STAC: variants seen among roughly 807,000 people sequenced by gnomAD.
STAC encodes the protein SH3 and cysteine rich domain, also known as SH3 and cysteine-rich domain-containing protein.
In STAC, 43 loss-of-function variants were observed where a neutral mutation model predicts 48.8. The ratio of observed to expected loss-of-function variants is 0.88; its 90% CI spans 0.69 to 1.14. STAC has a LOEUF of 1.14. Ranked by LOEUF, STAC falls within the 50% of genes most tolerant of loss-of-function variation. The pLI is 0.00. For missense variants in STAC, 497 were observed against 504.0 expected (o/e 0.99, Z 0.13); for synonymous variants, 193 against 179.5 (o/e 1.07, Z -0.60).
At chr3:36,448,909 C>A (rs1281672489) in intron 2 of STAC, among the ~76,000 whole-genome samples, 1 of 147,052 alleles carries the variant, frequency 6.8e-6, no homozygotes, top group Non-Finnish European at 1.5e-5. Context: ...GAACCCCCCC[C>A]CCCACTCCCG....
At chr3:36,525,651 T>C (rs890497916) in intron 8 of STAC, among the ~76,000 whole-genome samples, 1 of 152,198 alleles carries the variant, frequency 6.6e-6, no homozygotes, top group East Asian at 1.9e-4. Context: ...TCATGGTTTC[T>C]TAGGTTACTG....
chr3:36,408,881 C>T (rs1161266690), intron 1 of STAC, among the ~76,000 whole-genome samples: 2 of 152,128 alleles, frequency 1.3e-5, no homozygotes, highest in African/African-American at 4.8e-5. Flanking sequence ...GTTTCATATA[C>T]CTCCAGTTGT....
chr3:36,541,458 C>G (rs1699323157), intron 10 of STAC, among the ~76,000 whole-genome samples: 1 of 152,182 alleles, frequency 6.6e-6, no homozygotes, highest in Non-Finnish European at 1.5e-5. Context: ...GTGATTGATG[C>G]AGAACTAAGG....
At chr3:36,419,720 T>C (rs903111453) in intron 1 of STAC, among the ~76,000 whole-genome samples, 4 of 152,202 alleles carry the variant, frequency 2.6e-5, no homozygotes, top group Non-Finnish European at 5.9e-5. Flanking sequence ...AAGAACTGTT[T>C]TCTTCTTTGG....
chr3:36,434,208 T>A (rs1013237510), intron 1 of STAC, among the ~76,000 whole-genome samples: 13 of 152,182 alleles, frequency 8.5e-5, no homozygotes, highest in Admixed American at 4.6e-4. Context: ...TGAAGGGAGC[T>A]GGCTTCGAGA....
intron 8 of STAC, among the ~76,000 whole-genome samples, chr3:36,526,371 A>G (rs894871784): frequency 1.3e-5 from 2 of 152,170 alleles, no homozygotes; most frequent in African/African-American, 2.4e-5. Flanking sequence ...TGCTTTGGCC[A>G]ATGAAATGAA....
At chr3:36,421,193 C>G (rs1356522193) in intron 1 of STAC, among the ~76,000 whole-genome samples, 1 of 152,110 alleles carries the variant, frequency 6.6e-6, no homozygotes, top group African/African-American at 2.4e-5. Context: ...CTTATTACCT[C>G]CACAATGAGT....
intron 1 of STAC, among the ~76,000 whole-genome samples, chr3:36,403,388 A>G (rs1700033999): frequency 6.6e-6 from 1 of 152,098 alleles, no homozygotes; most frequent in South Asian, 2.1e-4. Context: ...CTCCACTGGG[A>G]AAAAAACAGT....
intron 2 of STAC, among the ~76,000 whole-genome samples, chr3:36,467,756 A>G (rs964212482): frequency 1.3e-5 from 2 of 152,046 alleles, no homozygotes; most frequent in Admixed American, 6.6e-5. Flanking sequence ...CTAATGCTCT[A>G]TCAATTTTAT....
chr3:36,506,975 G>A (rs1698417695), intron 8 of STAC, among the ~76,000 whole-genome samples: 1 of 152,160 alleles, frequency 6.6e-6, no homozygotes, highest in Non-Finnish European at 1.5e-5. Context: ...AATAGGAGTG[G>A]TGAGAGAGGG....
intron 1 of STAC, among the ~76,000 whole-genome samples, chr3:36,429,082 T>C (rs1700630581): frequency 6.6e-6 from 1 of 152,162 alleles, no homozygotes. Context: ...GAAAGTCTCA[T>C]TGACTAATGT....
intron 2 of STAC, among the ~76,000 whole-genome samples, chr3:36,452,828 C>T (rs1190588034): frequency 6.6e-6 from 1 of 152,152 alleles, no homozygotes; most frequent in Non-Finnish European, 1.5e-5. Flanking sequence ...TAGAAAGTGG[C>T]AGAAAGGAGG....
At chr3:36,531,989 A>G (rs573944346) in intron 10 of STAC, among the ~76,000 whole-genome samples, 16 of 152,356 alleles carry the variant, frequency 1.1e-4, no homozygotes, top group African/African-American at 2.6e-4. Flanking sequence ...ATAAAATTTA[A>G]AAGTAGCACA....
At chr3:36,496,050 G>C (rs138266174) in intron 6 of STAC, among the ~76,000 whole-genome samples, 2 of 152,318 alleles carry the variant, frequency 1.3e-5, no homozygotes, top group East Asian at 1.9e-4. Context: ...CTAAGTCACA[G>C]AGTAGTACAC....
intron 6 of STAC, among the ~76,000 whole-genome samples, chr3:36,500,121 T>C (rs187580347): frequency 5.3e-5 from 8 of 152,298 alleles, no homozygotes; most frequent in Non-Finnish European, 1.0e-4. Context: ...AAAAATATTC[T>C]GTACAGATAT....
chr3:36,520,714 T>C (rs1390773835), intron 8 of STAC, among the ~76,000 whole-genome samples: 1 of 152,198 alleles, frequency 6.6e-6, no homozygotes, highest in Non-Finnish European at 1.5e-5. Flanking sequence ...CTGATGCATA[T>C]TATGCTCTGA....
intron 1 of STAC, among the ~76,000 whole-genome samples, chr3:36,381,237 G>T (rs761880223): frequency 2.0e-5 from 3 of 152,064 alleles, no homozygotes; most frequent in Non-Finnish European, 2.9e-5. Context: ...CACTAAAAAA[G>T]AAAAAGAAAA....
At chr3:36,436,970 T>C (rs1231582474) in intron 1 of STAC, among the ~76,000 whole-genome samples, 13 of 151,620 alleles carry the variant, frequency 8.6e-5, no homozygotes, top group Non-Finnish European at 1.3e-4. Flanking sequence ...GCAAAGGACA[T>C]GAACAGACAC....
chr3:36,492,182 A>G (rs1445205637), intron 5 of STAC, among the ~76,000 whole-genome samples: 1 of 150,026 alleles, frequency 6.7e-6, no homozygotes, highest in Non-Finnish European at 1.5e-5. Flanking sequence ...ATGCTAGTAA[A>G]TGTTTAACAA....
Sources: allele counts gnomAD v4.1 joint callset (sites outside exome capture counted in the v4.1 genomes callset), GRCh38; gene constraint gnomAD v4.1.1; transcripts MANE v1.5; gene names NCBI Gene and HGNC (gene_info 2026-07-23, HGNC 2026-07-21).